Variants in CTPS2 observed in about 807,000 individuals in gnomAD.
CTPS2 encodes CTP synthase II.
A neutral mutation model predicts 46.8 loss-of-function variants in CTPS2; 19 were observed. The observed-to-expected ratio is 0.41, with a 90% CI of 0.28 to 0.60. CTPS2 has a LOEUF of 0.60. Ranked by LOEUF, CTPS2 falls within the 20% of genes least tolerant of loss-of-function variation. The pLI is 0.35. For synonymous variants in CTPS2, 151 were observed against 165.2 expected, an observed-to-expected ratio of 0.91 and a Z score of 0.66; for missense variants, 286 against 447.6, an observed-to-expected ratio of 0.64 and a Z score of 3.26.
At chrX:16,709,848 CAAAAAAAAA>C (rs35017705) in intron 1 of CTPS2, among the ~76,000 whole-genome samples, 52 of 23,741 alleles carry the variant, frequency 2.2e-3, no homozygotes, top group African/African-American at 8.1e-3. Flanking sequence ...ACTCTGTCTC[CAAAAAAAAA>C]AAAAAAAAAA....
chrX:16,596,187 TG>T (rs1486241453), intron 17 of CTPS2, among the ~76,000 whole-genome samples: 1 of 100,922 alleles, frequency 9.9e-6, no homozygotes. Context: ...AGTTTTTTTT[TG>T]TTTTTTTTTT....
chrX:16,707,072 A>G (rs1925083404), intron 1 of CTPS2, among the ~76,000 whole-genome samples: 1 of 110,377 alleles, frequency 9.1e-6, no homozygotes, highest in Non-Finnish European at 1.9e-5. Flanking sequence ...AAAATGTTTT[A>G]AAAAAGAAAG....
intron 11 of CTPS2, among the ~76,000 whole-genome samples, chrX:16,667,941 T>C (rs1338900604): frequency 9.2e-6 from 1 of 108,168 alleles, no homozygotes; most frequent in Non-Finnish European, 1.9e-5. Flanking sequence ...AGTCCCAAAG[T>C]TGACAAAGAA....
chrX:16,664,235 G>A (rs1337276410), intron 13 of CTPS2, among the ~76,000 whole-genome samples: 2 of 112,190 alleles, frequency 1.8e-5, no homozygotes, highest in Non-Finnish European at 3.8e-5. Flanking sequence ...GCACCTACTG[G>A]TAAAATCACT....
intron 15 of CTPS2, among the ~76,000 whole-genome samples, chrX:16,620,076 G>C (rs755313390): frequency 9.0e-6 from 1 of 110,657 alleles, no homozygotes; most frequent in Admixed American, 9.7e-5. Context: ...AAAAACATGA[G>C]AGCCTCCGCC....
Position 16,667,625 on chromosome X carries a change from T to A in CTPS2, c.1252+37A>T, listed in dbSNP as rs940071827. On this transcript the variant is annotated intron_variant, in intron 12 of 18. Coordinates refer to ENST00000359276, the MANE Select transcript of CTPS2 (RefSeq NM_175859.3). ...GAAAAATATTTGAAGAGAGAAAATT[T>A]TTTAAATAAATGGTCATTAGCAAAC... 4 of 1,206,412 alleles carry A rather than the reference T, an allele frequency of 3.3e-6. No homozygotes were observed. The African/African-American group carries it at 7.0e-5, about 21-fold the overall frequency.
chrX:16,626,960 C>T (rs1931188580), intron 14 of CTPS2: 1 of 113,942 alleles, frequency 8.8e-6, no homozygotes, highest in South Asian at 3.7e-4. Context: ...TCCCCCGGTG[C>T]CATATCTCCT....
chrX:16,646,132 G>C (rs1932307611), intron 13 of CTPS2, among the ~76,000 whole-genome samples: 1 of 112,847 alleles, frequency 8.9e-6, no homozygotes, highest in Admixed American at 9.4e-5. Context: ...TATACCTCCA[G>C]ATGTAAACCT....
intron 8 of CTPS2, among the ~76,000 whole-genome samples, chrX:16,685,983 T>G (rs979876097): frequency 9.1e-6 from 1 of 110,156 alleles, no homozygotes; most frequent in African/African-American, 3.3e-5. Context: ...CCCTGGCCTC[T>G]GAGCAGCACT....
intron 13 of CTPS2, among the ~76,000 whole-genome samples, chrX:16,642,361 C>T (rs778124570): frequency 1.2e-3 from 131 of 111,685 alleles, no homozygotes; most frequent in African/African-American, 4.1e-3. Flanking sequence ...AATAGGTCTC[C>T]AGTACCAAAT....
chrX:16,703,216 G>A (rs913265835), intron 1 of CTPS2, among the ~76,000 whole-genome samples: 6 of 109,443 alleles, frequency 5.5e-5, no homozygotes, highest in African/African-American at 1.0e-4. Context: ...TTGTAGAGAC[G>A]GAGTTTCACC....
chrX:16,590,939 A>G (rs1269125458), intron 17 of CTPS2, 77 bp from the exon 18 acceptor site: 16 of 691,034 alleles, frequency 2.3e-5, no homozygotes, highest in Non-Finnish European at 3.2e-5. Flanking sequence ...AATTTCAAAC[A>G]CATTCCATAT....
intron 17 of CTPS2, among the ~76,000 whole-genome samples, chrX:16,595,165 A>C (rs1311198602): frequency 9.6e-6 from 1 of 104,309 alleles, no homozygotes. Flanking sequence ...AATCTTTTAC[A>C]CACACACACA....
At chrX:16,629,164 C>T (rs1256463331) in intron 14 of CTPS2, among the ~76,000 whole-genome samples, 4 of 112,398 alleles carry the variant, frequency 3.6e-5, no homozygotes, top group Admixed American at 9.4e-5. Flanking sequence ...TAGTTCCCTT[C>T]GGTGAAGTGA....
chrX:16,589,344 A>G lies in CTPS2; in HGVS notation c.*473T>C, dbSNP rs1324112506. On this transcript the variant is annotated 3_prime_UTR_variant, in exon 19 of 19. Coordinates refer to ENST00000359276, the MANE Select transcript of CTPS2 (RefSeq NM_175859.3). ...TTTACCAGGAAATAAACAGGGTGAG[A>G]AACTGCAATGATCTTGGACCACACA... The G allele has an allele frequency of 8.9e-6, 1 of 112,027 alleles. No homozygotes were observed. Among genetic ancestry groups the G allele is most frequent in the African/African-American group, 3.2e-5 (1 of 30,841 alleles). The allele number at this position is 112,027 out of a possible 1,213,427, so 9.2% of individuals were successfully genotyped here.
intron 1 of CTPS2, among the ~76,000 whole-genome samples, chrX:16,709,816 T>G (rs1925321043): frequency 1.2e-5 from 1 of 81,148 alleles, no homozygotes; most frequent in African/African-American, 5.0e-5. Flanking sequence ...GCCATTGCAC[T>G]CTACCCTGGT....
chrX:16,597,751 T>G (rs1419369605), intron 17 of CTPS2, among the ~76,000 whole-genome samples: 23 of 110,839 alleles, frequency 2.1e-4, no homozygotes, highest in Admixed American at 6.7e-4. Context: ...GTAGCTTGAT[T>G]GGGATGGCAT....
intron 13 of CTPS2, among the ~76,000 whole-genome samples, chrX:16,647,137 A>G (rs1480863326): frequency 1.8e-5 from 2 of 110,879 alleles, no homozygotes; most frequent in Non-Finnish European, 3.8e-5. Context: ...AAGAGATGTG[A>G]CTGGTAGAAG....
intron 18 of CTPS2, 32 bp downstream of exon 18, chrX:16,590,720 G>T: frequency 1.2e-6 from 1 of 806,966 alleles, no homozygotes; most frequent in Non-Finnish European, 1.9e-6. Flanking sequence ...GTCCATGAGA[G>T]AAATGAACAA....
Sources: gnomAD v4.1 joint callset for allele counts (sites outside exome capture counted in the v4.1 genomes callset) on GRCh38, gnomAD v4.1.1 for gene constraint, MANE v1.5 for transcripts, NCBI Gene and HGNC (gene_info 2026-07-23, HGNC 2026-07-21) for gene names.